Variants in CRTC1 observed in about 807,000 individuals in gnomAD.
CRTC1 encodes the protein CREB regulated transcription coactivator 1.
In CRTC1, 18 loss-of-function variants were observed where a neutral mutation model predicts 66.1. The ratio of observed to expected loss-of-function variants is 0.27; its 90% CI spans 0.19 to 0.40. The LOEUF (loss-of-function observed/expected upper bound fraction) is 0.40. Among genes scored for constraint, CRTC1 ranks in the 10% least tolerant of loss-of-function variants. The pLI is 1.00. For synonymous variants in CRTC1, 416 were observed against 398.8 expected (o/e 1.04, Z -0.51); for missense variants, 669 against 887.9 (o/e 0.75, Z 3.13).
intron 1 of CRTC1, among the ~76,000 whole-genome samples, chr19:18,703,325 T>G (rs1043680900): frequency 6.6e-6 from 1 of 151,718 alleles, no homozygotes; most frequent in Admixed American, 6.6e-5. Context: ...GAGCCACCGC[T>G]CCTGGCCCAG....
In CRTC1 at chr19:18,727,676, G is replaced by C. The variant is rs145107296; in HGVS notation, c.127-15234G>C. On this transcript the variant is annotated intron_variant, in intron 1 of 13. Transcript: ENST00000321949. ...CGTCTACAAGCCAAGAAGTGCTAAG[G>C]ATGGTCAGCAGCCGCAACAGCTGGG... 5.0e-3 allele frequency among the ~76,000 whole-genome samples: 762 copies of C among 151,798 alleles called. 6 individuals carry two copies. The highest frequency in any genetic ancestry group is 0.016 in the African/African-American group (647 of 41,372).
chr19:18,690,773 C>T (rs912025836), intron 1 of CRTC1, among the ~76,000 whole-genome samples: 15 of 151,964 alleles, frequency 9.9e-5, no homozygotes, highest in Non-Finnish European at 2.2e-4. Flanking sequence ...CTCCTATAAT[C>T]CCAGCACTTT....
chr19:18,689,589 A>ATGTG (rs1309716998), intron 1 of CRTC1, among the ~76,000 whole-genome samples: 2 of 102,034 alleles, frequency 2.0e-5, no homozygotes, highest in Non-Finnish European at 3.7e-5. Context: ...ATATATATGT[A>ATGTG]ATATAACACT....
rs554974910 is a variant in CRTC1, at chr19:18,727,272, G to A, written c.127-15638G>A. The stretch of plus-strand genomic sequence containing the variant: ...CTCAAACAAACAAGGCAAAACAGAG[G>A]CACAGGGACAGAAAGGGAAAAGGAC... On this transcript the variant is annotated intron_variant, in intron 1 of 13. Transcript: ENST00000321949. 3.4e-5 allele frequency among the ~76,000 whole-genome samples: 5 copies of A among 147,962 alleles called. No homozygotes were observed. The South Asian group carries it at 1.1e-3, about 32-fold the overall frequency.
chr19:18,705,525 G>A (rs920515436), intron 1 of CRTC1, among the ~76,000 whole-genome samples: 1 of 152,050 alleles, frequency 6.6e-6, no homozygotes, highest in Non-Finnish European at 1.5e-5. Flanking sequence ...CACCATGTTC[G>A]CCAGGCTGGT....
intron 1 of CRTC1, among the ~76,000 whole-genome samples, chr19:18,694,609 T>G (rs919156534): frequency 2.6e-5 from 4 of 151,976 alleles, no homozygotes; most frequent in Admixed American, 2.6e-4. Context: ...ATTTTTTTAT[T>G]TTTTGTAGAG....
intron 1 of CRTC1, among the ~76,000 whole-genome samples, chr19:18,723,487 T>G (rs2145638519): frequency 1.3e-5 from 2 of 152,312 alleles, no homozygotes; most frequent in South Asian, 4.1e-4. Flanking sequence ...GGTGGGTGTC[T>G]GTGTCACCAC....
Position 18,777,177 on chromosome 19 carries a change from G to A in CRTC1, c.1700G>A (p.Gly567Glu), listed in dbSNP as rs765834352. The change falls in exon 14 of 14, where the codon GGA becomes GAA. Residue 567 changes from glycine to glutamate, a missense_variant. Gly to Glu is a moderately conservative substitution (Grantham distance 98, BLOSUM62 -2). This residue lies in a region of CRTC1 where 91 missense variants were observed against 99.1 expected (regional missense o/e 0.92). Transcript: ENST00000321949. This position sits in a 1 kb window ranked among gnomAD's most constrained non-coding sequence, Gnocchi z 5.5. The part of the protein sequence containing the change: ...GIPNIILTVT[G>E]ESPPSLSKEL... Reference sequence around the variant, plus strand: ...TCCCCACCCCATCCCCCAGTGACAGGAGAGTCCCCCCCCAGCCTCTCTAAA... The same window carrying A: ...TCCCCACCCCATCCCCCAGTGACAGAAGAGTCCCCCCCCAGCCTCTCTAAA... The A allele has an allele frequency of 3.2e-6, 5 of 1,580,298 alleles. No individual in the cohort carries two copies. The Admixed American group carries it at 8.4e-5, about 27-fold the overall frequency.
chr19:18,744,413 C>T (rs748745158), intron 2 of CRTC1, among the ~76,000 whole-genome samples: 6 of 152,216 alleles, frequency 3.9e-5, no homozygotes, highest in Non-Finnish European at 8.8e-5. Context: ...CGCGCATCCC[C>T]ATCTGGGGTC....
At chr19:18,731,262 C>G (rs1388418199) in intron 1 of CRTC1, among the ~76,000 whole-genome samples, 1 of 152,232 alleles carries the variant, frequency 6.6e-6, no homozygotes, top group East Asian at 1.9e-4. Context: ...GTCAGCGTGG[C>G]TGGTTCCTCC....
rs1327197300 is a variant in CRTC1, at chr19:18,745,736, A to T, written c.244-87A>T. 11 of 1,560,294 alleles carry T rather than the reference A, an allele frequency of 7.0e-6. No individual in the cohort carries two copies. The Middle Eastern group carries it at 6.8e-4, about 97-fold the overall frequency. ...GTGCTCCAGAGTGGGGGGCCCTGCG[A>T]TCAGACTCTGGGGCCAGCGCTGGGG... On this transcript the variant is annotated intron_variant, in intron 2 of 13. Coordinates refer to ENST00000321949, the MANE Select transcript of CRTC1 (RefSeq NM_015321.3).
chr19:18,754,959 A>C (rs1258576276), intron 6 of CRTC1, among the ~76,000 whole-genome samples: 1 of 150,880 alleles, frequency 6.6e-6, no homozygotes, highest in African/African-American at 2.4e-5. Flanking sequence ...TTTATTTTTA[A>C]ATTTTATTAT....
Position 18,746,454 on chromosome 19 carries a change from G to A in CRTC1, c.381+494G>A, listed in dbSNP as rs1600921070. ...GGAGTAAAATTCGCCTCTGCGACTC[G>A]GTCACGCAGAGATCAGCCAGAGTCC... is the stretch of plus-strand genomic sequence containing the variant. On this transcript the variant is annotated intron_variant, in intron 3 of 13. Coordinates refer to ENST00000321949, the MANE Select transcript of CRTC1 (RefSeq NM_015321.3). Among the ~76,000 whole-genome samples the A allele has an allele frequency of 2.0e-5, 3 of 152,032 alleles. 1 individual carries two copies. Among genetic ancestry groups the A allele is most frequent in the South Asian group, 4.1e-4 (2 of 4,832 alleles).
At position 18,760,200 on chromosome 19, in the gene CRTC1, G is replaced by A. The variant is rs982882801; in HGVS notation, c.858G>A (p.Thr286=). 9.9e-6 allele frequency: 16 copies of A among 1,611,536 alleles called. No individual in the cohort carries two copies. Among genetic ancestry groups the A allele is most frequent in the Non-Finnish European group, 1.3e-5 (15 of 1,179,082 alleles). Residue 286 remains threonine, a synonymous_variant, in exon 8 of 14, where the codon ACG becomes ACA. Transcript: ENST00000321949. This position sits in a 1 kb window ranked among gnomAD's most constrained non-coding sequence, Gnocchi z 6.2. ...SSTGNLAANL[T]HLGIGGAGQG... ...CCGGCAACCTCGCGGCCAACCTGACGCACCTGGGCATCGGTGGCGCCGGCC... is the reference window on the plus strand; with the variant it reads ...CCGGCAACCTCGCGGCCAACCTGACACACCTGGGCATCGGTGGCGCCGGCC...
At chr19:18,685,865 G>A (rs1167158911) in intron 1 of CRTC1, among the ~76,000 whole-genome samples, 2 of 152,190 alleles carry the variant, frequency 1.3e-5, no homozygotes, top group Non-Finnish European at 1.5e-5. Flanking sequence ...CTGATTAGAA[G>A]TCCAGTTTCT....
Position 18,779,669 on chromosome 19 carries a change from T to G in CRTC1, c.*2287T>G. The G allele has an allele frequency of 4.4e-6, 1 of 224,816 alleles. No individual in the cohort carries two copies. Among genetic ancestry groups the G allele is most frequent in the Non-Finnish European group, 8.9e-6 (1 of 112,774 alleles). 13.9% of individuals were successfully genotyped at this position (224,816 alleles called of 1,614,324 possible). ...GGGCGCCACTGCTTGTCCTCTGGTC[T>G]TCGGTGTGGACAGATAGGAGAGGAG... On this transcript the variant is annotated 3_prime_UTR_variant, in exon 14 of 14. Coordinates refer to ENST00000321949, the MANE Select transcript of CRTC1 (RefSeq NM_015321.3).
chr19:18,713,419 G>A (rs73537935), intron 1 of CRTC1, among the ~76,000 whole-genome samples: 1 of 152,322 alleles, frequency 6.6e-6, no homozygotes, highest in African/African-American at 2.4e-5. Context: ...CTGGAATTGC[G>A]GGATCCTGCA....
At chr19:18,705,423 C>T (rs779841125) in intron 1 of CRTC1, among the ~76,000 whole-genome samples, 5 of 152,070 alleles carry the variant, frequency 3.3e-5, no homozygotes, top group African/African-American at 4.8e-5. Flanking sequence ...TGGGTTCAAG[C>T]GGTTCTGCCT....
At chr19:18,770,671 A>G (rs2054841840) in intron 10 of CRTC1, among the ~76,000 whole-genome samples, 1 of 151,558 alleles carries the variant, frequency 6.6e-6, no homozygotes, top group African/African-American at 2.4e-5. Flanking sequence ...GCATGTGTGC[A>G]TGCGTGGGTA....
Sources: allele counts gnomAD v4.1 joint callset (sites outside exome capture counted in the v4.1 genomes callset), GRCh38; gene constraint gnomAD v4.1.1; regional missense constraint gnomAD v4.1.1; non-coding constraint Gnocchi (gnomAD v3.1); transcripts MANE v1.5; gene names NCBI Gene and HGNC (gene_info 2026-07-23, HGNC 2026-07-21).